SLC25A21: variants seen among roughly 807,000 people sequenced by gnomAD.
SLC25A21 encodes mitochondrial 2-oxodicarboxylate carrier.
Under a neutral mutation model 43.8 loss-of-function variants are expected in SLC25A21, and 47 were observed. That is an observed-to-expected ratio of 1.07 (90% CI 0.85 to 1.37). The LOEUF is 1.37. SLC25A21 is among the 40% of genes most tolerant of loss of function. SLC25A21 has a pLI of 0.00. For missense variants in SLC25A21, 352 were observed against 350.2 expected (o/e 1.00, Z -0.04); for synonymous variants, 131 against 121.3 (o/e 1.08, Z -0.52).
chr14:36,799,958 A>C (rs943224773), intron 3 of SLC25A21, among the ~76,000 whole-genome samples: 1 of 152,222 alleles, frequency 6.6e-6, no homozygotes, highest in African/African-American at 2.4e-5. Context: ...AATATTGAGT[A>C]CCTACCAGCG....
At chr14:36,704,696 CA>C (rs995027137) in intron 7 of SLC25A21, among the ~76,000 whole-genome samples, 2 of 148,860 alleles carry the variant, frequency 1.3e-5, no homozygotes, top group African/African-American at 2.5e-5. Context: ...CAAAAACAAA[CA>C]AAAAAAACAA....
intron 3 of SLC25A21, among the ~76,000 whole-genome samples, chr14:36,806,243 T>A (rs1314868309): frequency 6.6e-6 from 1 of 151,850 alleles, no homozygotes; most frequent in Non-Finnish European, 1.5e-5. Context: ...ATTTTATTTT[T>A]AAAAAAAGAG....
intron 3 of SLC25A21, among the ~76,000 whole-genome samples, chr14:36,762,975 A>G (rs551746673): frequency 1.3e-5 from 2 of 152,362 alleles, no homozygotes; most frequent in South Asian, 4.1e-4. Context: ...CCTGGTAGCT[A>G]TGTGGATACA....
intron 1 of SLC25A21, among the ~76,000 whole-genome samples, chr14:37,095,236 G>A (rs1042899320): frequency 3.3e-5 from 5 of 151,992 alleles, no homozygotes; most frequent in African/African-American, 1.2e-4. Flanking sequence ...TACACTATTC[G>A]GCCAGGCGTG....
intron 1 of SLC25A21, among the ~76,000 whole-genome samples, chr14:37,078,853 T>TC (rs1962333269): frequency 6.6e-6 from 1 of 152,134 alleles, no homozygotes; most frequent in African/African-American, 2.4e-5. Flanking sequence ...TTTTTTTTTT[T>TC]TCTCTTTGCA....
At chr14:36,933,107 A>G (rs1023707386) in intron 1 of SLC25A21, among the ~76,000 whole-genome samples, 2 of 152,180 alleles carry the variant, frequency 1.3e-5, no homozygotes, top group Non-Finnish European at 2.9e-5. Context: ...TAACTAAAAT[A>G]AGGGCACACC....
intron 2 of SLC25A21, among the ~76,000 whole-genome samples, chr14:36,834,588 C>A (rs988104753): frequency 2.6e-5 from 4 of 152,282 alleles, no homozygotes; most frequent in African/African-American, 9.6e-5. Flanking sequence ...CCTCTCTCCC[C>A]ACTTCTCCCT....
chr14:37,036,611 C>T (rs1233555547), intron 1 of SLC25A21, among the ~76,000 whole-genome samples: 2 of 151,992 alleles, frequency 1.3e-5, no homozygotes, highest in Non-Finnish European at 2.9e-5. Flanking sequence ...AATAAAAATT[C>T]CAAAATGCCT....
In SLC25A21 at chr14:36,964,801, G is replaced by A. The variant is rs954215922; in HGVS notation, c.71-89797C>T. Among the ~76,000 whole-genome samples, 4 of 152,138 alleles carry A rather than the reference G, an allele frequency of 2.6e-5. No individual in the cohort carries two copies. In the East Asian group the frequency reaches 7.7e-4, roughly 29 times the overall value. ...TCCAAGAAGACAAATGATTCAACAT[G>A]AACGCATCTATTCAACTTTATTATA... is the stretch of plus-strand genomic sequence containing the variant. On this transcript the variant is annotated intron_variant, in intron 1 of 9. Transcript: ENST00000331299.
At chr14:37,163,238 A>G (rs1037893400) in intron 1 of SLC25A21, among the ~76,000 whole-genome samples, 29 of 151,930 alleles carry the variant, frequency 1.9e-4, no homozygotes, top group African/African-American at 6.0e-4. Flanking sequence ...ACATGTATAC[A>G]TATGTAACTA....
chr14:36,729,658 T>C, intron 4 of SLC25A21, 92 bp from the exon 5 acceptor site: 1 of 1,050,594 alleles, frequency 9.5e-7, no homozygotes, highest in Non-Finnish European at 1.4e-6. Context: ...ATCATTATGT[T>C]AACCAGCATT....
At chr14:37,134,672 G>GA (rs1555349227) in intron 1 of SLC25A21, among the ~76,000 whole-genome samples, 35 of 149,432 alleles carry the variant, frequency 2.3e-4, no homozygotes, top group Non-Finnish European at 3.9e-4. Context: ...AAGAAAGAAA[G>GA]AAAGAAAAGA....
rs1889345533 is a variant in SLC25A21, at chr14:36,840,279, A to C, written c.120-26278T>G. Among the ~76,000 whole-genome samples the C allele has an allele frequency of 2.6e-5, 4 of 152,166 alleles. No individual in the cohort carries two copies. The South Asian group carries it at 8.3e-4, about 32-fold the overall frequency. On this transcript the variant is annotated intron_variant, in intron 2 of 9. Coordinates refer to ENST00000331299, the MANE Select transcript of SLC25A21 (RefSeq NM_030631.4). ...GGTGTCATTGGGAAAAACTCATATG[A>C]GTCAAGCCTTCAGTGTGAGTAGAGG...
At chr14:36,864,253 C>A (rs1455377034) in intron 2 of SLC25A21, among the ~76,000 whole-genome samples, 1 of 152,144 alleles carries the variant, frequency 6.6e-6, no homozygotes. Context: ...TGTATTAATG[C>A]ACTTAGGTTG....
intron 1 of SLC25A21, among the ~76,000 whole-genome samples, chr14:37,125,657 T>C (rs563853231): frequency 1.1e-3 from 163 of 152,324 alleles, no homozygotes; most frequent in South Asian, 2.3e-3. Context: ...AACTATATTC[T>C]AGTAGATGGT....
At chr14:36,869,419 A>T (rs1890304701) in intron 2 of SLC25A21, among the ~76,000 whole-genome samples, 1 of 132,006 alleles carries the variant, frequency 7.6e-6, no homozygotes, top group Admixed American at 7.7e-5. Flanking sequence ...AAGATTTCGG[A>T]TGGAGGAATG....
chr14:36,803,333 C>A (rs1475640473), intron 3 of SLC25A21, among the ~76,000 whole-genome samples: 1 of 152,084 alleles, frequency 6.6e-6, no homozygotes, highest in African/African-American at 2.4e-5. Flanking sequence ...TGTCTTATTG[C>A]TTAATGAGTT....
chr14:36,966,572 TG>T (rs1959620806), intron 1 of SLC25A21, among the ~76,000 whole-genome samples: 1 of 152,148 alleles, frequency 6.6e-6, no homozygotes, highest in South Asian at 2.1e-4. Context: ...TAATAGGAAA[TG>T]TCACTGCTTC....
chr14:36,777,347 CA>C (rs1412585843), intron 3 of SLC25A21, among the ~76,000 whole-genome samples: 6 of 152,120 alleles, frequency 3.9e-5, no homozygotes, highest in African/African-American at 1.4e-4. Context: ...AAAACAACAA[CA>C]ACAAAATGAC....
Sources: allele counts gnomAD v4.1 joint callset (sites outside exome capture counted in the v4.1 genomes callset), GRCh38; gene constraint gnomAD v4.1.1; transcripts MANE v1.5; gene names NCBI Gene and HGNC (gene_info 2026-07-23, HGNC 2026-07-21).